MAST2: variants seen among roughly 807,000 people sequenced by gnomAD.
MAST2 encodes the protein microtubule associated serine/threonine kinase 2.
In MAST2, 70 loss-of-function variants were observed where a neutral mutation model predicts 147.4. The observed-to-expected ratio is 0.47, with a 90% CI of 0.39 to 0.58. MAST2 has a LOEUF of 0.58. Ranked by LOEUF, MAST2 falls within the 20% of genes least tolerant of loss-of-function variation. The pLI, the probability that MAST2 is intolerant of heterozygous loss-of-function variation, is 0.00. For synonymous variants in MAST2, 869 were observed against 896.8 expected, an observed-to-expected ratio of 0.97 and a Z score of 0.55; for missense variants, 2,080 against 2,302.3, an observed-to-expected ratio of 0.90 and a Z score of 1.98.
At chr1:45,836,008 G>A (rs1476289733) in intron 3 of MAST2, among the ~76,000 whole-genome samples, 1 of 152,130 alleles carries the variant, frequency 6.6e-6, no homozygotes, top group South Asian at 2.1e-4. Flanking sequence ...TTTGTCTGCT[G>A]ATAGACATTT....
At chr1:46,019,487 C>G in intron 10 of MAST2, 109 bp from the exon 11 acceptor site, 1 of 821,324 alleles carries the variant, frequency 1.2e-6, no homozygotes, top group Non-Finnish European at 2.0e-6. Context: ...TTGCGGAGCT[C>G]TCTATGCTAC....
chr1:46,008,939 C>G (rs1645599548), intron 9 of MAST2, among the ~76,000 whole-genome samples: 1 of 152,176 alleles, frequency 6.6e-6, no homozygotes, highest in Non-Finnish European at 1.5e-5. Flanking sequence ...CAGGAAAATG[C>G]TGAGGAAGGA....
intron 4 of MAST2, among the ~76,000 whole-genome samples, chr1:45,935,848 T>G (rs1162944089): frequency 6.6e-6 from 1 of 152,230 alleles, no homozygotes; most frequent in East Asian, 1.9e-4. Flanking sequence ...TTCTTTTTGC[T>G]TCTGCTTCAG....
chr1:46,025,065 T>C (rs1646347543), intron 15 of MAST2, among the ~76,000 whole-genome samples: 1 of 152,150 alleles, frequency 6.6e-6, no homozygotes, highest in Non-Finnish European at 1.5e-5. Context: ...ATGCCTGTAA[T>C]CCCAGCACTT....
In MAST2 at chr1:46,031,183, C is replaced by A; in HGVS notation, c.2885C>A (p.Thr962Lys). The part of the protein sequence containing the change: ...RQPQEGIWVL[T>K]PPSGEGVSGP... ...CCACAGGAGGGTATATGGGTCCTGACACCCCCATCTGGAGAGGGGGTATCT... is the reference window on the plus strand; with the variant it reads ...CCACAGGAGGGTATATGGGTCCTGAAACCCCCATCTGGAGAGGGGGTATCT... The change falls in exon 23 of 29, where the codon ACA (threonine) becomes AAA (lysine). Residue 962 changes from threonine (T) to lysine (K), a missense_variant. By Grantham distance (78) the Thr-to-Lys change is moderately conservative. Around this residue, in one of 4 missense-constraint regions of MAST2, gnomAD observed 1,278 missense variants for 1,304.2 expected, o/e 0.98. Transcript: ENST00000361297. The surrounding 1 kb of genome is among the most constrained non-coding windows in gnomAD (Gnocchi z 4.1). The A allele has an allele frequency of 6.3e-7, 1 of 1,584,576 alleles. No individual in the cohort carries two copies. The highest frequency in any genetic ancestry group is 1.7e-5 in the Admixed American group (1 of 57,252).
At chr1:45,965,529 A>C (rs890067081) in intron 5 of MAST2, among the ~76,000 whole-genome samples, 26 of 152,092 alleles carry the variant, frequency 1.7e-4, no homozygotes, top group African/African-American at 5.3e-4. Flanking sequence ...CTGTTTTATC[A>C]GAGACTAGGA....
intron 3 of MAST2, among the ~76,000 whole-genome samples, chr1:45,835,754 CATT>C: frequency 6.6e-6 from 1 of 152,096 alleles, no homozygotes; most frequent in Non-Finnish European, 1.5e-5. Flanking sequence ...ATTAAACAGT[CATT>C]ATTCATTCCA....
At chr1:45,927,260 G>C (rs1387215344) in intron 4 of MAST2, among the ~76,000 whole-genome samples, 2 of 152,100 alleles carry the variant, frequency 1.3e-5, no homozygotes, top group African/African-American at 4.8e-5. Context: ...TGAAATTTCG[G>C]GCACTATTGT....
intron 1 of MAST2, among the ~76,000 whole-genome samples, chr1:45,810,185 A>G (rs1187233296): frequency 6.6e-6 from 1 of 152,238 alleles, no homozygotes; most frequent in Admixed American, 6.5e-5. Context: ...AATTTGAGTA[A>G]TAATGGTTAT....
chr1:45,975,977 C>CTT (rs11311601), intron 5 of MAST2, among the ~76,000 whole-genome samples: 2 of 143,840 alleles, frequency 1.4e-5, no homozygotes, highest in Non-Finnish European at 1.5e-5. Context: ...AAACTGAATA[C>CTT]TTTTTTTTTT....
At chr1:45,954,625 G>A (rs1659396285) in intron 4 of MAST2, among the ~76,000 whole-genome samples, 1 of 152,098 alleles carries the variant, frequency 6.6e-6, no homozygotes, top group Non-Finnish European at 1.5e-5. Flanking sequence ...ATTAAGACTT[G>A]CCCTTTATCT....
At chr1:45,830,118 A>G (rs1178468135) in intron 3 of MAST2, among the ~76,000 whole-genome samples, 1 of 150,604 alleles carries the variant, frequency 6.6e-6, no homozygotes, top group Non-Finnish European at 1.5e-5. Context: ...CGGCCTCCCA[A>G]AGTGCTGGGA....
chr1:45,809,518 C>A (rs1284335798), intron 1 of MAST2, among the ~76,000 whole-genome samples: 1 of 152,140 alleles, frequency 6.6e-6, no homozygotes, highest in Non-Finnish European at 1.5e-5. Context: ...TGGTGCGCGC[C>A]TGTGGGCCCA....
At chr1:45,882,428 A>C in intron 4 of MAST2, 33 bp downstream of exon 4, 1 of 1,557,240 alleles carries the variant, frequency 6.4e-7, no homozygotes, top group Non-Finnish European at 8.9e-7. Flanking sequence ...TATGATTATG[A>C]TCTCCTACTT....
intron 9 of MAST2, among the ~76,000 whole-genome samples, chr1:46,009,322 G>T (rs1250305072): frequency 6.6e-6 from 1 of 152,204 alleles, no homozygotes; most frequent in Non-Finnish European, 1.5e-5. Context: ...CCAAAGTGCT[G>T]GGATTACAGG....
intron 3 of MAST2, among the ~76,000 whole-genome samples, chr1:45,866,055 TATC>T (rs776031513): frequency 1.3e-5 from 2 of 152,234 alleles, no homozygotes; most frequent in Non-Finnish European, 2.9e-5. Context: ...ATTTTAAAAT[TATC>T]ATGAATTAAC....
chr1:45,857,811 T>G (rs1322767770), intron 3 of MAST2, among the ~76,000 whole-genome samples: 1 of 150,420 alleles, frequency 6.6e-6, no homozygotes, highest in African/African-American at 2.4e-5. Flanking sequence ...CCAAGTGTTC[T>G]CATTGTTCAT....
At chr1:45,936,841 C>T (rs1470180165) in intron 4 of MAST2, among the ~76,000 whole-genome samples, 1 of 152,084 alleles carries the variant, frequency 6.6e-6, no homozygotes. Context: ...GATTCTAAAG[C>T]CCCCTAAGTA....
chr1:45,986,716 C>CAAAA (rs201589013), intron 5 of MAST2, among the ~76,000 whole-genome samples: 66 of 120,132 alleles, frequency 5.5e-4, no homozygotes, highest in African/African-American at 6.4e-4. Context: ...GACTCCGTCT[C>CAAAA]AAAAAAAAAA....
Sources: allele counts gnomAD v4.1 joint callset (sites outside exome capture counted in the v4.1 genomes callset), GRCh38; gene constraint gnomAD v4.1.1; regional missense constraint gnomAD v4.1.1; non-coding constraint Gnocchi (gnomAD v3.1); transcripts MANE v1.5; gene names NCBI Gene and HGNC (gene_info 2026-07-23, HGNC 2026-07-21).